The following TLL1 variants were observed in gnomAD, a reference collection of about 807,000 sequenced individuals.
TLL1 encodes the protein tolloid-like protein 1.
In TLL1, 49 loss-of-function variants were observed where a neutral mutation model predicts 128.2. The observed-to-expected ratio is 0.38, with a 90% CI of 0.30 to 0.48. TLL1 has a LOEUF of 0.48. Among genes scored for constraint, TLL1 ranks in the 20% least tolerant of loss-of-function variants. The pLI is 0.96. For synonymous variants in TLL1, 454 were observed against 418.8 expected, an observed-to-expected ratio of 1.08 and a Z score of -1.03; for missense variants, 1,123 against 1,242.0, an observed-to-expected ratio of 0.90 and a Z score of 1.44.
chr4:166,016,768 T>C (rs1488613296), intron 8 of TLL1, among the ~76,000 whole-genome samples: 3 of 151,512 alleles, frequency 2.0e-5, no homozygotes, highest in East Asian at 3.9e-4. Flanking sequence ...GTACCGGGAG[T>C]AAGGGACAGC....
At chr4:165,925,929 A>G (rs1010156127) in intron 1 of TLL1, among the ~76,000 whole-genome samples, 15 of 152,202 alleles carry the variant, frequency 9.9e-5, no homozygotes, top group African/African-American at 4.8e-5. Flanking sequence ...TTAGCAATAA[A>G]GTAATTTTAG....
chr4:165,913,069 G>A (rs1219274179), intron 1 of TLL1, among the ~76,000 whole-genome samples: 1 of 152,010 alleles, frequency 6.6e-6, no homozygotes, highest in African/African-American at 2.4e-5. Flanking sequence ...TTTGAAATAA[G>A]AGATTTCGGC....
chr4:165,927,867 GT>G (rs1219217714), intron 1 of TLL1, among the ~76,000 whole-genome samples: 1 of 152,172 alleles, frequency 6.6e-6, no homozygotes, highest in African/African-American at 2.4e-5. Flanking sequence ...AGACCTCTTT[GT>G]TCTAGGAATA....
At chr4:166,096,708 A>G (rs1422398923) in intron 19 of TLL1, among the ~76,000 whole-genome samples, 3 of 152,112 alleles carry the variant, frequency 2.0e-5, no homozygotes, top group African/African-American at 4.8e-5. Flanking sequence ...CTATTTTAAA[A>G]AGCTGAAAGC....
intron 1 of TLL1, among the ~76,000 whole-genome samples, chr4:165,944,553 CA>C (rs1244575270): frequency 1.3e-5 from 2 of 151,898 alleles, no homozygotes; most frequent in African/African-American, 2.4e-5. Context: ...ATTTCTTTCA[CA>C]GTATAAAGAG....
chr4:166,015,467 A>G (rs368744037), intron 8 of TLL1, among the ~76,000 whole-genome samples: 1 of 152,058 alleles, frequency 6.6e-6, no homozygotes, highest in African/African-American at 2.4e-5. Context: ...GGAGTTTTAC[A>G]TAGATAATTG....
intron 2 of TLL1, among the ~76,000 whole-genome samples, chr4:165,992,360 T>C (rs1322334721): frequency 6.6e-6 from 1 of 152,056 alleles, no homozygotes; most frequent in Non-Finnish European, 1.5e-5. Context: ...GAAGAAAACA[T>C]GCATTACACA....
Position 166,001,028 on chromosome 4 carries a change from A to G in TLL1, c.633-2363A>G, listed in dbSNP as rs143041998. ...CTACAGAAACAATTTGAAAATGAAA[A>G]AAAAGGGTAGGGGGAGAGGGAGATA... is the stretch of plus-strand genomic sequence containing the variant. On this transcript the variant is annotated intron_variant, in intron 5 of 20. Transcript: ENST00000061240. Among the ~76,000 whole-genome samples the G allele has an allele frequency of 4.3e-3, 651 of 152,274 alleles. 7 individuals carry two copies. The highest frequency in any genetic ancestry group is 0.014 in the African/African-American group (595 of 41,572).
intron 1 of TLL1, among the ~76,000 whole-genome samples, chr4:165,939,352 C>T (rs1345493136): frequency 6.6e-6 from 1 of 152,084 alleles, no homozygotes; most frequent in Admixed American, 6.6e-5. Flanking sequence ...ACTTAACCCT[C>T]TTGTTGTGAC....
chr4:165,926,971 A>G (rs75265030), intron 1 of TLL1, among the ~76,000 whole-genome samples: 2,607 of 152,314 alleles, frequency 0.017, 90 homozygotes, highest in African/African-American at 0.06. Flanking sequence ...TCAAAAATAA[A>G]AAGTACTAGC....
At chr4:165,959,180 G>A (rs1734965210) in intron 1 of TLL1, among the ~76,000 whole-genome samples, 2 of 152,108 alleles carry the variant, frequency 1.3e-5, no homozygotes, top group Middle Eastern at 3.4e-3. Context: ...GCTTAGGATT[G>A]ACTTGGCGAT....
intron 1 of TLL1, among the ~76,000 whole-genome samples, chr4:165,901,597 G>T (rs1731994139): frequency 6.6e-6 from 1 of 152,158 alleles, no homozygotes; most frequent in East Asian, 1.9e-4. Flanking sequence ...AAAGATTGCT[G>T]CCTGTTCCTT....
chr4:166,075,077 T>C (rs1393220110), intron 17 of TLL1, 74 bp downstream of exon 17: 7 of 1,588,358 alleles, frequency 4.4e-6, no homozygotes, highest in Non-Finnish European at 6.0e-6. Context: ...TGCTTCCAAG[T>C]AGAGTTAATC....
In TLL1 at chr4:165,949,318, A is replaced by G. The variant is rs145172978; in HGVS notation, c.170-40063A>G. On this transcript the variant is annotated intron_variant, in intron 1 of 20. Transcript: ENST00000061240. ...TTTACTTGAGTGAGATTAGAAGCCG[A>G]TTTTTTCCAGAACCTTCACAAAAAA... Among the ~76,000 whole-genome samples the G allele has an allele frequency of 1.2e-3, 185 of 152,144 alleles. 2 individuals are homozygous for G. Among genetic ancestry groups the G allele is most frequent in the African/African-American group, 3.9e-3 (163 of 41,510 alleles).
chr4:165,985,038 G>T (rs564929206), intron 1 of TLL1, among the ~76,000 whole-genome samples: 1 of 151,944 alleles, frequency 6.6e-6, no homozygotes, highest in Admixed American at 6.6e-5. Context: ...TCACATTTTT[G>T]TGCCTCAAAA....
intron 15 of TLL1, among the ~76,000 whole-genome samples, chr4:166,064,886 C>T (rs920210481): frequency 6.6e-6 from 1 of 152,022 alleles, no homozygotes; most frequent in Non-Finnish European, 1.5e-5. Flanking sequence ...ACAGATCTTG[C>T]CCCAGGGTTC....
At chr4:166,012,251 C>T (rs1331441570) in intron 7 of TLL1, among the ~76,000 whole-genome samples, 3 of 151,518 alleles carry the variant, frequency 2.0e-5, no homozygotes, top group Non-Finnish European at 4.4e-5. Flanking sequence ...TAGTGGCTCA[C>T]TGAGGAGGTT....
At position 165,945,605 on chromosome 4, in the gene TLL1, A is replaced by T. The variant is rs375845589; in HGVS notation, c.170-43776A>T. Among the ~76,000 whole-genome samples, 17 of 152,308 alleles carry T rather than the reference A, an allele frequency of 1.1e-4. No individual in the cohort carries two copies. In the South Asian group the frequency reaches 3.5e-3, roughly 32 times the overall value. ...AGGTGATATAAAGTATGAATTGTAT[A>T]TTGTAAACACTAGAACAACAACTAA... On this transcript the variant is annotated intron_variant, in intron 1 of 20. Transcript: ENST00000061240.
At chr4:165,941,394 A>G (rs948756725) in intron 1 of TLL1, among the ~76,000 whole-genome samples, 8 of 152,150 alleles carry the variant, frequency 5.3e-5, no homozygotes, top group Non-Finnish European at 8.8e-5. Flanking sequence ...AGTGGAAGAG[A>G]AGAAATCATT....
Sources: gnomAD v4.1 joint callset for allele counts (sites outside exome capture counted in the v4.1 genomes callset) on GRCh38, gnomAD v4.1.1 for gene constraint, MANE v1.5 for transcripts, NCBI Gene and HGNC (gene_info 2026-07-23, HGNC 2026-07-21) for gene names.